Variants in KCNG2 observed in about 807,000 individuals in gnomAD.
The protein encoded by KCNG2 is voltage-gated potassium channel regulatory subunit KCNG2.
A neutral mutation model predicts 12.3 loss-of-function variants in KCNG2; 7 were observed. The observed-to-expected ratio is 0.57, with a 90% confidence interval of 0.32 to 1.07. KCNG2 has a LOEUF of 1.07. Ranked by LOEUF, KCNG2 falls within the 50% of genes least tolerant of loss-of-function variation. KCNG2 has a pLI of 0.04. For synonymous variants in KCNG2, 414 were observed against 351.4 expected (o/e 1.18, Z -1.99); for missense variants, 703 against 726.0 (o/e 0.97, Z 0.36).
intron 3 of KCNG2, among the ~76,000 whole-genome samples, chr18:79,871,235 C>T (rs1303087530): frequency 1.3e-5 from 2 of 152,242 alleles, no homozygotes; most frequent in Non-Finnish European, 2.9e-5. Flanking sequence ...TGACAAATCG[C>T]ACCTCCCGCC....
chr18:79,802,110 C>T (rs1207084211), intron 1 of KCNG2, among the ~76,000 whole-genome samples: 1 of 152,236 alleles, frequency 6.6e-6, no homozygotes, highest in Non-Finnish European at 1.5e-5. Flanking sequence ...AAAATATGAG[C>T]ATTTCATACA....
At chr18:79,849,409 AC>A (rs1978737712) in intron 1 of KCNG2, among the ~76,000 whole-genome samples, 2 of 152,028 alleles carry the variant, frequency 1.3e-5, no homozygotes, top group Non-Finnish European at 2.9e-5. Flanking sequence ...GGGGCCCTGC[AC>A]CCCCATCTGA....
rs562878290 is a variant in KCNG2 at position 79,874,222 on chromosome 18, G to A, written c.624+9931G>A. On this transcript the variant is annotated intron_variant, in intron 3 of 3. Coordinates refer to ENST00000316249, the MANE Select transcript of KCNG2 (RefSeq NM_012283.2). The stretch of plus-strand genomic sequence containing the variant: ...ATTGAAGAAAAGCTGTACAGCCACC[G>A]CCATCAGCCACCTTCCTCTATGCCA... Among the ~76,000 whole-genome samples, 251 of 152,322 alleles carry A rather than the reference G, an allele frequency of 1.6e-3. 1 individual carries two copies. Among genetic ancestry groups the A allele is most frequent in the Non-Finnish European group, 2.9e-3 (194 of 68,032 alleles).
Position 79,825,952 on chromosome 18 carries a change from C to T in KCNG2, c.-115+27938C>T, listed in dbSNP as rs573265179. Among the ~76,000 whole-genome samples, 13 of 152,372 alleles carry T rather than the reference C, an allele frequency of 8.5e-5. No homozygotes were observed. In the South Asian group the frequency reaches 2.1e-3, roughly 24 times the overall value. On this transcript the variant is annotated intron_variant, in intron 1 of 3. Transcript: ENST00000316249. The stretch of plus-strand genomic sequence containing the variant: ...CGCGGACACCTGTCGCCCTCTCGGC[C>T]GCTCTGGGACCTGCCCTTTCTTTGA...
Position 79,899,877 on chromosome 18 carries a change from A to C in KCNG2, c.*61A>C, listed in dbSNP as rs1453443276. 1.8e-5 allele frequency: 23 copies of C among 1,274,730 alleles called. No individual in the cohort carries two copies. Among genetic ancestry groups the C allele is most frequent in the Non-Finnish European group, 2.2e-5 (22 of 1,008,444 alleles). The allele number at this position is 1,274,730 out of a possible 1,614,324, so 79.0% of individuals were successfully genotyped here. A position where few individuals can be genotyped will look rare whatever the true frequency, so the allele number is the denominator to read the frequency against. ...TCCAGCTGCAGCGTCGGGACCCCCG[A>C]GGTGCGCCAAGGGGTGGGGGGCGTC... On this transcript the variant is annotated 3_prime_UTR_variant, in exon 4 of 4. Coordinates refer to ENST00000316249, the MANE Select transcript of KCNG2 (RefSeq NM_012283.2).
In KCNG2 at chr18:79,874,129, C is replaced by T. The variant is rs376297173; in HGVS notation, c.624+9838C>T. ...TGGCCCTCACATTCGGCCCTCACAG[C>T]GCCTCCCGCCTTTCCCCATCACAGG... On this transcript the variant is annotated intron_variant, in intron 3 of 3. Transcript: ENST00000316249. 1.9e-4 allele frequency among the ~76,000 whole-genome samples: 29 copies of T among 152,334 alleles called. No individual in the cohort carries two copies. In the East Asian group the frequency reaches 4.4e-3, roughly 23 times the overall value.
chr18:79,867,527 G>A (rs180992574), intron 3 of KCNG2, among the ~76,000 whole-genome samples: 166 of 115,866 alleles, frequency 1.4e-3, no homozygotes, highest in Non-Finnish European at 2.5e-3. Flanking sequence ...TGTCGTGTCT[G>A]GGGGGGGACC....
rs1040676907 is a variant in KCNG2, at chr18:79,884,731, G to C, written c.625-14309G>C. Among the ~76,000 whole-genome samples the C allele has an allele frequency of 1.1e-4, 16 of 152,336 alleles. No individual in the cohort carries two copies. The highest frequency in any genetic ancestry group is 3.4e-4 in the African/African-American group (14 of 41,582). The stretch of plus-strand genomic sequence containing the variant: ...GTGGCTTCGTGATGGGGAGCCACGG[G>C]GGCAGGGGTCCGCCCGGCTCTGTGT... On this transcript the variant is annotated intron_variant, in intron 3 of 3. Coordinates refer to ENST00000316249, the MANE Select transcript of KCNG2 (RefSeq NM_012283.2). This position sits in a 1 kb window ranked among gnomAD's most constrained non-coding sequence, Gnocchi z 5.5.
Position 79,863,884 on chromosome 18 carries a change from C to G in KCNG2, c.217C>G (p.Arg73Gly). 2 of 1,473,968 alleles carry G rather than the reference C, an allele frequency of 1.4e-6. No individual in the cohort carries two copies. Among genetic ancestry groups the G allele is most frequent in the Non-Finnish European group, 1.8e-6 (2 of 1,110,540 alleles). The allele number at this position is 1,473,968 out of a possible 1,614,324, so 91.3% of individuals were successfully genotyped here. Residue 73 changes from arginine (R) to glycine (G), a missense_variant, in exon 3 of 4, where the codon CGC becomes GGC. Physicochemically the swap from Arg to Gly is moderately radical, Grantham distance 125. Coordinates refer to ENST00000316249, the MANE Select transcript of KCNG2 (RefSeq NM_012283.2). ...DVSRDEFFFD[R>G]SPCAFRAIVA... Reference sequence around the variant, plus strand: ...GAGCCGCGACGAGTTCTTCTTCGACCGCAGCCCGTGCGCCTTCCGCGCCAT... The same window carrying G: ...GAGCCGCGACGAGTTCTTCTTCGACGGCAGCCCGTGCGCCTTCCGCGCCAT...
intron 3 of KCNG2, among the ~76,000 whole-genome samples, chr18:79,880,461 T>C (rs560007436): frequency 6.6e-6 from 1 of 152,288 alleles, no homozygotes; most frequent in African/African-American, 2.4e-5. Context: ...ATTCATAGTT[T>C]AAAACCTTCC....
At chr18:79,830,839 G>A (rs553646364) in intron 1 of KCNG2, among the ~76,000 whole-genome samples, 11 of 132,712 alleles carry the variant, frequency 8.3e-5, no homozygotes, top group East Asian at 2.1e-4. Context: ...CGTCAGGAGC[G>A]TTCTCTGCGG....
intron 3 of KCNG2, among the ~76,000 whole-genome samples, chr18:79,873,481 G>A (rs939794290): frequency 4.9e-5 from 6 of 123,378 alleles, no homozygotes; most frequent in East Asian, 2.9e-4. Flanking sequence ...CGTGGCCACC[G>A]GCCCCTCTGA....
intron 1 of KCNG2, among the ~76,000 whole-genome samples, chr18:79,835,673 G>A (rs1306581760): frequency 6.6e-6 from 1 of 152,216 alleles, no homozygotes; most frequent in Non-Finnish European, 1.5e-5. Flanking sequence ...CTCCACGTGA[G>A]TTTTCTGAAT....
At chr18:79,862,931 C>G (rs1233209166) in intron 2 of KCNG2, among the ~76,000 whole-genome samples, 1 of 152,242 alleles carries the variant, frequency 6.6e-6, no homozygotes, top group Non-Finnish European at 1.5e-5. Context: ...CAGGCTGTTG[C>G]TGTCCCCGCA....
intron 1 of KCNG2, among the ~76,000 whole-genome samples, chr18:79,841,889 C>G: frequency 6.6e-6 from 1 of 152,182 alleles, no homozygotes; most frequent in Non-Finnish European, 1.5e-5. Context: ...CACATTAACT[C>G]ATACCACTCT....
chr18:79,852,838 G>A (rs1038770688), intron 1 of KCNG2, among the ~76,000 whole-genome samples: 2 of 152,242 alleles, frequency 1.3e-5, no homozygotes, highest in Admixed American at 6.5e-5. Context: ...CTGTGAGGAC[G>A]GGCCTCCTGC....
chr18:79,803,125 C>T lies in KCNG2; in HGVS notation c.-115+5111C>T, dbSNP rs1268457402. Among the ~76,000 whole-genome samples, 1 of 152,182 alleles carries T rather than the reference C, an allele frequency of 6.6e-6. No individual in the cohort carries two copies. The highest frequency in any genetic ancestry group is 2.4e-5 in the African/African-American group (1 of 41,438). The stretch of plus-strand genomic sequence containing the variant: ...CCCGGAAGGCGGAGCTTGCAGTGAG[C>T]CGAGATCGCGCCACTGCACTCCAGC... On this transcript the variant is annotated intron_variant, in intron 1 of 3. Coordinates refer to ENST00000316249, the MANE Select transcript of KCNG2 (RefSeq NM_012283.2). The surrounding 1 kb of genome is among the most constrained non-coding windows in gnomAD (Gnocchi z 4.5).
At chr18:79,811,351 T>C (rs947020959) in intron 1 of KCNG2, among the ~76,000 whole-genome samples, 1 of 152,232 alleles carries the variant, frequency 6.6e-6, no homozygotes, top group Non-Finnish European at 1.5e-5. Flanking sequence ...AGCAAAATAG[T>C]GTGGTATTGG....
chr18:79,882,762 G>A (rs1385502748), intron 3 of KCNG2, among the ~76,000 whole-genome samples: 1 of 146,536 alleles, frequency 6.8e-6, no homozygotes, highest in Admixed American at 6.8e-5. Flanking sequence ...GCCGTGGAGC[G>A]CGGAGGCCGG....
Sources: gnomAD v4.1 joint callset for allele counts (sites outside exome capture counted in the v4.1 genomes callset) on GRCh38, gnomAD v4.1.1 for gene constraint, Gnocchi (gnomAD v3.1) non-coding constraint, MANE v1.5 for transcripts, NCBI Gene and HGNC (gene_info 2026-07-23, HGNC 2026-07-21) for gene names.